SGCD: variants seen among roughly 807,000 people sequenced by gnomAD.
The protein encoded by SGCD is sarcoglycan delta.
A neutral mutation model predicts 36.6 loss-of-function variants in SGCD; 18 were observed. The observed-to-expected ratio is 0.49, with a 90% CI of 0.34 to 0.73. The LOEUF (loss-of-function observed/expected upper bound fraction) is 0.73. Among genes scored for constraint, SGCD ranks in the 30% least tolerant of loss-of-function variants. The probability of loss-of-function intolerance (pLI) is 0.01; values close to 1 mark genes in which losing one functional copy is unlikely to be tolerated. For missense variants in SGCD, 387 were observed against 346.7 expected, an observed-to-expected ratio of 1.12 and a Z score of -0.92; for synonymous variants, 133 against 130.6, an observed-to-expected ratio of 1.02 and a Z score of -0.12.
At chr5:156,548,276 C>T (rs1455487786) in intron 4 of SGCD, among the ~76,000 whole-genome samples, 1 of 152,170 alleles carries the variant, frequency 6.6e-6, no homozygotes, top group Non-Finnish European at 1.5e-5. Context: ...CGAATGTCCC[C>T]TTACCAACTT....
intron 4 of SGCD, among the ~76,000 whole-genome samples, chr5:156,550,456 G>T (rs1330064520): frequency 2.0e-5 from 3 of 152,220 alleles, no homozygotes; most frequent in African/African-American, 7.2e-5. Flanking sequence ...CATTCTCACT[G>T]CAGACATTGC....
At chr5:156,219,832 C>T (rs530452900) in intron 3 of SGCD, among the ~76,000 whole-genome samples, 2 of 152,124 alleles carry the variant, frequency 1.3e-5, no homozygotes, top group Non-Finnish European at 2.9e-5. Context: ...AAAGTTTTAG[C>T]CCCGTATTGG....
intron 1 of SGCD, among the ~76,000 whole-genome samples, chr5:156,092,899 G>A (rs7713089): frequency 0.16 from 24,911 of 152,158 alleles, 3,238 homozygotes; most frequent in East Asian, 0.46. Context: ...TATAGGTACT[G>A]CCATTTGGTG....
At chr5:156,702,516 C>T (rs954804820) in intron 7 of SGCD, among the ~76,000 whole-genome samples, 3 of 151,964 alleles carry the variant, frequency 2.0e-5, no homozygotes, top group African/African-American at 7.3e-5. Context: ...AAAACCAAAA[C>T]CAAAAGAATC....
intron 3 of SGCD, among the ~76,000 whole-genome samples, chr5:156,157,630 T>A (rs1373408715): frequency 6.6e-6 from 1 of 151,788 alleles, no homozygotes; most frequent in Non-Finnish European, 1.5e-5. Context: ...TGCTATAGTA[T>A]ATAAACAAGA....
chr5:156,110,558 C>T (rs1761758516), intron 1 of SGCD, among the ~76,000 whole-genome samples: 2 of 151,766 alleles, frequency 1.3e-5, no homozygotes, highest in African/African-American at 2.4e-5. Flanking sequence ...TAGTGTTGGA[C>T]TTGTTATTAG....
chr5:156,499,228 A>T (rs1194662736), intron 3 of SGCD, among the ~76,000 whole-genome samples: 1 of 152,114 alleles, frequency 6.6e-6, no homozygotes, highest in Non-Finnish European at 1.5e-5. Flanking sequence ...TACAGTGCAG[A>T]CCATGTGCTT....
rs114478146 is a variant in SGCD, at chr5:156,461,323, T to C, written c.193-47278T>C. On this transcript the variant is annotated intron_variant, in intron 3 of 8. Transcript: ENST00000337851. ...GATGTACTTGGTCTTTCCTGTTGAGTTAACAAATGTCAAAAAACCCATCAT... is the reference window on the plus strand; with the variant it reads ...GATGTACTTGGTCTTTCCTGTTGAGCTAACAAATGTCAAAAAACCCATCAT... Among the ~76,000 whole-genome samples, 798 of 152,202 alleles carry C rather than the reference T, an allele frequency of 5.2e-3. 6 individuals are homozygous for C. The highest frequency in any genetic ancestry group is 0.018 in the African/African-American group (740 of 41,554).
At chr5:156,742,697 C>T (rs192136902) in intron 7 of SGCD, among the ~76,000 whole-genome samples, 1 of 152,218 alleles carries the variant, frequency 6.6e-6, no homozygotes, top group East Asian at 1.9e-4. Flanking sequence ...TCCGGGAGAG[C>T]TGATGGTGTT....
intron 1 of SGCD, among the ~76,000 whole-genome samples, chr5:155,951,925 C>T (rs763328792): frequency 5.9e-5 from 9 of 152,174 alleles, no homozygotes; most frequent in Non-Finnish European, 8.8e-5. Flanking sequence ...CCTCTGACCA[C>T]AAATCAGAAC....
At chr5:156,167,570 A>C (rs1035919573) in intron 3 of SGCD, among the ~76,000 whole-genome samples, 7 of 152,048 alleles carry the variant, frequency 4.6e-5, no homozygotes, top group African/African-American at 1.7e-4. Context: ...ATCCCTCATG[A>C]ATGCCTTGGT....
intron 3 of SGCD, among the ~76,000 whole-genome samples, chr5:156,125,839 T>TTTATTATTTTTA (rs1762156516): frequency 7.6e-6 from 1 of 131,484 alleles, no homozygotes; most frequent in Admixed American, 7.7e-5. Context: ...CACTCATTCT[T>TTTATTATTTTTA]TTATTATTAT....
At chr5:156,703,262 C>T (rs1246798061) in intron 7 of SGCD, among the ~76,000 whole-genome samples, 1 of 152,144 alleles carries the variant, frequency 6.6e-6, no homozygotes, top group Non-Finnish European at 1.5e-5. Context: ...CTATGAAAAA[C>T]ATACTTTTAA....
intron 4 of SGCD, among the ~76,000 whole-genome samples, chr5:156,563,043 G>T (rs1759332506): frequency 6.6e-6 from 1 of 151,996 alleles, no homozygotes; most frequent in Non-Finnish European, 1.5e-5. Context: ...AAAATCGCAT[G>T]ATCTCAGCTC....
intron 4 of SGCD, among the ~76,000 whole-genome samples, chr5:156,540,509 G>T (rs1758309043): frequency 1.3e-5 from 2 of 152,062 alleles, no homozygotes; most frequent in African/African-American, 4.8e-5. Flanking sequence ...CTTTAAATTA[G>T]CTAAGCTGCA....
intron 1 of SGCD, among the ~76,000 whole-genome samples, chr5:155,945,072 A>G (rs1757410905): frequency 6.6e-6 from 1 of 152,220 alleles, no homozygotes; most frequent in African/African-American, 2.4e-5. Context: ...ATAGAAGTTA[A>G]GTTTACAGAT....
At chr5:155,731,552 C>T in the SGCD span, among the ~76,000 whole-genome samples, 1 of 152,130 alleles carries the variant, frequency 6.6e-6, no homozygotes, top group Admixed American at 6.5e-5. Context: ...ACTTGGAACC[C>T]ATTGGAGATG....
chr5:155,811,277 A>G, the SGCD span, among the ~76,000 whole-genome samples: 1 of 152,030 alleles, frequency 6.6e-6, no homozygotes. Context: ...CATTTATTCC[A>G]CAGAGCAACA....
intron 1 of SGCD, among the ~76,000 whole-genome samples, chr5:156,091,115 G>C (rs1488501102): frequency 2.6e-5 from 4 of 152,322 alleles, no homozygotes; most frequent in African/African-American, 9.6e-5. Flanking sequence ...GGGATTAAGA[G>C]ATTAAAGACA....
Sources: gnomAD v4.1 joint callset for allele counts (sites outside exome capture counted in the v4.1 genomes callset) on GRCh38, gnomAD v4.1.1 for gene constraint, MANE v1.5 for transcripts, NCBI Gene and HGNC (gene_info 2026-07-23, HGNC 2026-07-21) for gene names.